SLC17A5: variants seen among roughly 807,000 people sequenced by gnomAD.
The protein encoded by SLC17A5 is sialin.
SLC17A5 carries 47 observed loss-of-function variants against 59.4 expected under a neutral mutation model. The ratio of observed to expected loss-of-function variants is 0.79; its 90% confidence interval spans 0.63 to 1.01. The LOEUF (loss-of-function observed/expected upper bound fraction) is 1.01. Among genes scored for constraint, SLC17A5 ranks in the 50% least tolerant of loss-of-function variants. The pLI is 0.00. For synonymous variants in SLC17A5, 202 were observed against 210.7 expected, an observed-to-expected ratio of 0.96 and a Z score of 0.36; for missense variants, 522 against 595.5, an observed-to-expected ratio of 0.88 and a Z score of 1.28.
chr6:73,611,873 G>A (rs117763576), intron 8 of SLC17A5, among the ~76,000 whole-genome samples: 10 of 151,634 alleles, frequency 6.6e-5, no homozygotes, highest in Admixed American at 2.6e-4. Flanking sequence ...TCTCACTGTC[G>A]TCAGGCTGGA....
At chr6:73,651,151 T>C (rs1043466163) in intron 1 of SLC17A5, among the ~76,000 whole-genome samples, 1 of 152,160 alleles carries the variant, frequency 6.6e-6, no homozygotes, top group African/African-American at 2.4e-5. Flanking sequence ...GATCCTGATT[T>C]GAACACACTA....
intron 6 of SLC17A5, among the ~76,000 whole-genome samples, chr6:73,628,659 G>C (rs1353467005): frequency 2.2e-5 from 3 of 139,140 alleles, no homozygotes; most frequent in Non-Finnish European, 4.5e-5. Context: ...CATTTTGAAA[G>C]CAAATATACT....
chr6:73,615,276 T>C, intron 8 of SLC17A5, 39 bp downstream of exon 8: 2 of 1,610,610 alleles, frequency 1.2e-6, no homozygotes, highest in South Asian at 1.1e-5. Flanking sequence ...ACATGGTAAA[T>C]AACTGTAAAC....
chr6:73,650,457 G>A (rs542927726), intron 1 of SLC17A5, among the ~76,000 whole-genome samples: 4 of 138,668 alleles, frequency 2.9e-5, no homozygotes, highest in East Asian at 2.2e-4. Flanking sequence ...GCAGTGAGCC[G>A]AGATAGCGCG....
chr6:73,603,681 T>C (rs1767262325), intron 9 of SLC17A5, among the ~76,000 whole-genome samples: 1 of 151,676 alleles, frequency 6.6e-6, no homozygotes, highest in Admixed American at 6.6e-5. Flanking sequence ...CAGCCTCCCA[T>C]AGTGCTGGGA....
At chr6:73,647,897 C>T (rs529577000) in intron 1 of SLC17A5, among the ~76,000 whole-genome samples, 8 of 152,166 alleles carry the variant, frequency 5.3e-5, no homozygotes, top group East Asian at 1.9e-4. Context: ...GGTGAAACCC[C>T]GTCTCTACTA....
intron 1 of SLC17A5, chr6:73,653,543 A>G: frequency 2.3e-6 from 2 of 851,504 alleles, no homozygotes; most frequent in Non-Finnish European, 2.7e-6. Context: ...GTGGGGCTGC[A>G]CCTGCCGAGG....
At chr6:73,629,475 TAAGAA>T (rs1768592959) in intron 6 of SLC17A5, among the ~76,000 whole-genome samples, 1 of 151,080 alleles carries the variant, frequency 6.6e-6, no homozygotes, top group African/African-American at 2.4e-5. Context: ...TCCTTGGAAT[TAAGAA>T]AAGAAGAAGA....
At chr6:73,617,341 A>G (rs777023698) in intron 7 of SLC17A5, among the ~76,000 whole-genome samples, 2 of 152,134 alleles carry the variant, frequency 1.3e-5, no homozygotes, top group Non-Finnish European at 2.9e-5. Context: ...AATTCCATTT[A>G]GACTTCTGCA....
intron 10 of SLC17A5, among the ~76,000 whole-genome samples, chr6:73,599,386 C>A (rs1766956337): frequency 6.6e-6 from 1 of 151,904 alleles, no homozygotes; most frequent in African/African-American, 2.4e-5. Context: ...ACAGTGATAT[C>A]CTTTTAATAG....
At chr6:73,647,961 C>T (rs930672413) in intron 1 of SLC17A5, among the ~76,000 whole-genome samples, 3 of 151,926 alleles carry the variant, frequency 2.0e-5, no homozygotes, top group East Asian at 1.9e-4. Context: ...CCCAGCTACT[C>T]GGGAGGTTGA....
At chr6:73,607,093 A>G (rs541866779) in intron 9 of SLC17A5, among the ~76,000 whole-genome samples, 16 of 152,304 alleles carry the variant, frequency 1.1e-4, no homozygotes, top group African/African-American at 3.6e-4. Context: ...TGGTCACCAC[A>G]CCTGACTCAA....
chr6:73,644,952 CAT>C (rs1398433991), intron 1 of SLC17A5, among the ~76,000 whole-genome samples: 1 of 152,140 alleles, frequency 6.6e-6, no homozygotes, highest in Admixed American at 6.5e-5. Context: ...AAATTTCACA[CAT>C]GAGAGCCTGA....
At chr6:73,653,377 G>A in intron 1 of SLC17A5, 1 of 985,414 alleles carries the variant, frequency 1.0e-6, no homozygotes, top group Non-Finnish European at 1.2e-6. Flanking sequence ...TTACACCGGG[G>A]TCCTCCGCTC....
At chr6:73,600,536 TCTCA>T in intron 9 of SLC17A5, 95 bp from the exon 10 acceptor site, 1 of 977,116 alleles carries the variant, frequency 1.0e-6, no homozygotes, top group South Asian at 1.4e-5. Flanking sequence ...TGAGACAGAG[TCTCA>T]CTCTGTGGCC....
chr6:73,640,741 C>G (rs1769236446), intron 3 of SLC17A5, among the ~76,000 whole-genome samples: 1 of 151,392 alleles, frequency 6.6e-6, no homozygotes, highest in African/African-American at 2.4e-5. Flanking sequence ...TGGGGGTACA[C>G]ATGATGAAAT....
intron 9 of SLC17A5, among the ~76,000 whole-genome samples, chr6:73,609,794 G>A (rs1035197905): frequency 6.6e-6 from 1 of 152,090 alleles, no homozygotes; most frequent in Non-Finnish European, 1.5e-5. Flanking sequence ...TTAAAATCCT[G>A]TTAAGAATTT....
rs1179923997 is a variant in SLC17A5 at position 73,610,564 on chromosome 6, AT to A, written c.1112-18del. On this transcript the variant is annotated intron_variant, in intron 8 of 10. Transcript: ENST00000355773. ...CAATCATTCCTGGAGTTAAAAAGTT[AT>A]AAAAGGGAAAAAACACCCAGCATTA... 1.2e-6 allele frequency: 2 copies of A among 1,613,804 alleles called. No homozygotes were observed.
At chr6:73,647,276 G>A (rs926904128) in intron 1 of SLC17A5, among the ~76,000 whole-genome samples, 1 of 152,224 alleles carries the variant, frequency 6.6e-6, no homozygotes, top group African/African-American at 2.4e-5. Flanking sequence ...GAAGTGTGAA[G>A]GGTGTAAGGA....
Sources: gnomAD v4.1 joint callset for allele counts (sites outside exome capture counted in the v4.1 genomes callset) on GRCh38, gnomAD v4.1.1 for gene constraint, MANE v1.5 for transcripts, NCBI Gene and HGNC (gene_info 2026-07-23, HGNC 2026-07-21) for gene names.